The following C6orf62 variants were observed in gnomAD, a reference collection of about 807,000 sequenced individuals.
The protein encoded by C6orf62 is uncharacterized protein C6orf62.
C6orf62 carries 16 observed loss-of-function variants against 26.8 expected under a neutral mutation model. The observed-to-expected ratio is 0.60, with a 90% CI of 0.40 to 0.91. The LOEUF (loss-of-function observed/expected upper bound fraction) is 0.91. C6orf62 is among the 40% of genes least tolerant of loss of function. The pLI is 0.00. For missense variants in C6orf62, 192 were observed against 271.4 expected (o/e 0.71, Z 2.06); for synonymous variants, 112 against 91.5 (o/e 1.22, Z -1.28).
At chr6:24,716,782 G>A (rs1779242032) in intron 1 of C6orf62, among the ~76,000 whole-genome samples, 1 of 152,016 alleles carries the variant, frequency 6.6e-6, no homozygotes, top group South Asian at 2.1e-4. Context: ...GAGGGCAGTG[G>A]CACCATCTTG....
chr6:24,719,811 C>A, upstream of C6orf62: 3 of 1,545,162 alleles, frequency 1.9e-6, no homozygotes, highest in Non-Finnish European at 2.6e-6. Context: ...CTGCCTTCCA[C>A]CCCCGCAGGT....
At chr6:24,718,411 CAG>C (rs1256090649) in intron 1 of C6orf62, 127 bp downstream of exon 1, 17 of 892,294 alleles carry the variant, frequency 1.9e-5, no homozygotes, top group Middle Eastern at 7.1e-4. Flanking sequence ...GGTGAAAAAA[CAG>C]AGCATACAAA....
chr6:24,718,318 A>G (rs1199606980), intron 1 of C6orf62, among the ~76,000 whole-genome samples: 1 of 152,152 alleles, frequency 6.6e-6, no homozygotes, highest in East Asian at 1.9e-4. Context: ...TAAGCTTCAG[A>G]CTCAAATTTA....
chr6:24,719,484 A>C, upstream of C6orf62: 1 of 1,109,692 alleles, frequency 9.0e-7, no homozygotes, highest in Non-Finnish European at 1.1e-6. Context: ...CAGCGGAGTC[A>C]TTACCAACTT....
rs1778984142 is a variant in C6orf62 at position 24,705,259 on chromosome 6, G to T, written c.*878C>A. On this transcript the variant is annotated 3_prime_UTR_variant, in exon 5 of 5. Coordinates refer to ENST00000378119, the MANE Select transcript of C6orf62 (RefSeq NM_030939.5). ...GGATGGTGTAAAAACCAGCATTTCT[G>T]CACAATTCACTGGAATTTTTTTCTT... 1.3e-5 allele frequency: 2 copies of T among 152,384 alleles called. No homozygotes were observed. Among genetic ancestry groups the T allele is most frequent in the African/African-American group, 4.8e-5 (2 of 41,368 alleles). 9.4% of individuals were successfully genotyped at this position (152,384 alleles called of 1,614,324 possible). A position where few individuals can be genotyped will look rare whatever the true frequency, so the allele number is the denominator to read the frequency against.
At chr6:24,710,592 A>G in intron 3 of C6orf62, 1 of 972,244 alleles carries the variant, frequency 1.0e-6, no homozygotes, top group Non-Finnish European at 1.2e-6. Flanking sequence ...TCAAACCACT[A>G]TAGGAGAAAA....
intron 4 of C6orf62, among the ~76,000 whole-genome samples, chr6:24,707,564 G>T (rs1368675349): frequency 6.6e-6 from 1 of 151,926 alleles, no homozygotes; most frequent in Non-Finnish European, 1.5e-5. Context: ...TCACTCTGTT[G>T]CCCAGGCTGG....
chr6:24,717,719 C>T lies in C6orf62; in HGVS notation c.129+821G>A, dbSNP rs965241583. Among the ~76,000 whole-genome samples, 5 of 152,240 alleles carry T rather than the reference C, an allele frequency of 3.3e-5. No homozygotes were observed. In the South Asian group the frequency reaches 8.3e-4, roughly 25 times the overall value. On this transcript the variant is annotated intron_variant, in intron 1 of 4. Transcript: ENST00000378119. Reference sequence around the variant, plus strand: ...ACCACACTAAGATTGTATTTCTGATCTGAAATTAGCTAACAATTTAAGCAC... The same window carrying T: ...ACCACACTAAGATTGTATTTCTGATTTGAAATTAGCTAACAATTTAAGCAC...
chr6:24,710,586 A>C (rs1244273480), intron 3 of C6orf62: 3 of 978,790 alleles, frequency 3.1e-6, no homozygotes, highest in Non-Finnish European at 3.6e-6. Context: ...TTATCATCAA[A>C]CCACTATAGG....
upstream of C6orf62, chr6:24,720,007 A>G: frequency 2.6e-6 from 4 of 1,518,968 alleles, no homozygotes. Context: ...ATTACTTCTA[A>G]AGTAAGCCCA....
chr6:24,708,722 C>T, intron 4 of C6orf62, 55 bp downstream of exon 4: 1 of 1,607,738 alleles, frequency 6.2e-7, no homozygotes, highest in Non-Finnish European at 8.5e-7. Flanking sequence ...AAAACGTTTA[C>T]TAACCAATAA....
chr6:24,711,816 A>G (rs9379685), intron 3 of C6orf62, among the ~76,000 whole-genome samples: 31,849 of 152,118 alleles, frequency 0.21, 3,594 homozygotes, highest in Non-Finnish European at 0.26. Context: ...TTACTTCAGA[A>G]AAGCAAATTA....
At chr6:24,708,022 G>A (rs1048807579) in intron 4 of C6orf62, among the ~76,000 whole-genome samples, 1 of 151,224 alleles carries the variant, frequency 6.6e-6, no homozygotes, top group Non-Finnish European at 1.5e-5. Flanking sequence ...AAAAAAAAAC[G>A]TCCAGGTCAG....
Position 24,706,180 on chromosome 6 carries a change from A to G in C6orf62, c.647T>C (p.Val216Ala), listed in dbSNP as rs1468972642. 8.7e-6 allele frequency: 14 copies of G among 1,614,100 alleles called. No individual in the cohort carries two copies. The highest frequency in any genetic ancestry group is 1.3e-5 in the African/African-American group (1 of 74,940). ...LPQEQLTHWAVGTIEDHLRPY... is the reference protein window; with the variant it reads ...LPQEQLTHWAAGTIEDHLRPY... The stretch of plus-strand genomic sequence containing the variant: ...ACGGAGGTGATCCTCTATGGTGCCA[A>G]CTGCCCAGTGGGTGAGCTGTTCCTG... Residue 216 changes from valine (V) to alanine (A), a missense_variant, in exon 5 of 5, where the codon GTT (valine) becomes GCT (alanine). Coordinates refer to ENST00000378119, the MANE Select transcript of C6orf62 (RefSeq NM_030939.5).
rs147228074 is a variant in C6orf62 at position 24,713,282 on chromosome 6, A to C, written c.429+1036T>G. Among the ~76,000 whole-genome samples, 471 of 152,358 alleles carry C rather than the reference A, an allele frequency of 3.1e-3. 1 individual carries two copies. Among genetic ancestry groups the C allele is most frequent in the Non-Finnish European group, 5.0e-3 (337 of 68,034 alleles). ...ACCATTATAAGTCAGGGGAATCTGT[A>C]TACAGTACTTTCTTATGTATGTAAC... On this transcript the variant is annotated intron_variant, in intron 3 of 4. Transcript: ENST00000378119.
upstream of C6orf62, chr6:24,720,282 AAGAGGCGGCGGCGGCGGG>A (rs1452086752): frequency 5.4e-6 from 7 of 1,299,968 alleles, no homozygotes; most frequent in Non-Finnish European, 6.8e-6. Context: ...GCGGCGGCGG[AAGAGGCGGCGGCGGCGGG>A]GGCGCTGCTG....
upstream of C6orf62, chr6:24,720,406 T>G (rs1779332780): frequency 8.7e-7 from 1 of 1,147,842 alleles, no homozygotes; most frequent in African/African-American, 1.6e-5. Flanking sequence ...CCGCCCGCGC[T>G]GCTGCCGCCG....
At chr6:24,709,193 A>G in intron 3 of C6orf62, 1 of 981,652 alleles carries the variant, frequency 1.0e-6, no homozygotes, top group Non-Finnish European at 1.2e-6. Context: ...TGAGATACAG[A>G]ACATTTCCTT....
At chr6:24,709,136 A>G in intron 3 of C6orf62, 1 of 970,070 alleles carries the variant, frequency 1.0e-6, no homozygotes, top group Non-Finnish European at 1.2e-6. Context: ...CACATTTCAA[A>G]TGCTCAACGG....
Sources: gnomAD v4.1 joint callset for allele counts (sites outside exome capture counted in the v4.1 genomes callset) on GRCh38, gnomAD v4.1.1 for gene constraint, MANE v1.5 for transcripts, NCBI Gene and HGNC (gene_info 2026-07-23, HGNC 2026-07-21) for gene names.